Variants in WDHD1 observed in about 807,000 individuals in gnomAD.
WDHD1 encodes WD repeat and HMG-box DNA binding protein 1, also known as WD repeat and HMG-box DNA-binding protein 1.
Under a neutral mutation model 135.4 loss-of-function variants are expected in WDHD1, and 111 were observed. The ratio of observed to expected loss-of-function variants is 0.82; its 90% CI spans 0.70 to 0.96. The LOEUF is 0.96. Among genes scored for constraint, WDHD1 ranks in the 40% least tolerant of loss-of-function variants. The pLI, the probability that WDHD1 is intolerant of heterozygous loss-of-function variation, is 0.00. For synonymous variants in WDHD1, 434 were observed against 439.0 expected (o/e 0.99, Z 0.14); for missense variants, 1,351 against 1,336.3 (o/e 1.01, Z -0.17).
At chr14:54,959,397 G>A (rs962436290) in intron 21 of WDHD1, among the ~76,000 whole-genome samples, 1 of 146,008 alleles carries the variant, frequency 6.8e-6, no homozygotes, top group African/African-American at 2.5e-5. Context: ...CCCTGGCGGG[G>A]GGAAGAGGAG....
At chr14:55,008,858 T>A (rs1040758128) in intron 4 of WDHD1, 139 bp from the exon 5 acceptor site, 8 of 612,654 alleles carry the variant, frequency 1.3e-5, no homozygotes, top group African/African-American at 3.8e-5. Flanking sequence ...TGGAGTGCAG[T>A]GGTGCGATCT....
At chr14:54,973,410 T>A (rs1383709593) in intron 16 of WDHD1, among the ~76,000 whole-genome samples, 1 of 152,170 alleles carries the variant, frequency 6.6e-6, no homozygotes, top group Non-Finnish European at 1.5e-5. Flanking sequence ...TCAAATACCC[T>A]CCCTTCTTTT....
At chr14:54,992,376 GCTA>G in intron 11 of WDHD1, among the ~76,000 whole-genome samples, 1 of 152,224 alleles carries the variant, frequency 6.6e-6, no homozygotes, top group Middle Eastern at 3.4e-3. Flanking sequence ...TATAATCCCA[GCTA>G]CTCAGGAGGC....
At chr14:54,950,149 A>G (rs2041017615) in intron 24 of WDHD1, among the ~76,000 whole-genome samples, 1 of 152,220 alleles carries the variant, frequency 6.6e-6, no homozygotes, top group East Asian at 1.9e-4. Flanking sequence ...AACAATATTA[A>G]CCTTAAATGT....
rs1487297379 is a variant in WDHD1 at position 54,989,017 on chromosome 14, C to T, written c.1526+11G>A. ...ACAGTGCCAAATTCTTCCTAATAAT[C>T]TTGAGTTTACCTTGCTAGTTCATCA... On this transcript the variant is annotated intron_variant, in intron 13 of 25. Transcript: ENST00000360586. The T allele has an allele frequency of 1.2e-6, 2 of 1,601,040 alleles. No individual in the cohort carries two copies. Among genetic ancestry groups the T allele is most frequent in the Non-Finnish European group, 1.7e-6 (2 of 1,172,074 alleles).
At chr14:54,981,895 T>C (rs1449947179) in intron 15 of WDHD1, among the ~76,000 whole-genome samples, 199 bp from the exon 16 acceptor site, 1 of 152,036 alleles carries the variant, frequency 6.6e-6, no homozygotes, top group African/African-American at 2.4e-5. Flanking sequence ...AGAAAAAACA[T>C]TGGATTTGAT....
Position 54,940,802 on chromosome 14 carries a change from GT to G in WDHD1, c.*687del, listed in dbSNP as rs2040826144. On this transcript the variant is annotated 3_prime_UTR_variant, in exon 26 of 26. Transcript: ENST00000360586. ...TATAATGCAGAGCAAAATGGGGGTGGTGGTAGAAATTATGGTAGTAAATATA... is the reference window on the plus strand; with the variant it reads ...TATAATGCAGAGCAAAATGGGGGTGGGGTAGAAATTATGGTAGTAAATATA... 6.6e-6 allele frequency: 1 copy of G among 151,946 alleles called. No homozygotes were observed. Among genetic ancestry groups the G allele is most frequent in the East Asian group, 1.9e-4 (1 of 5,192 alleles). The allele number at this position is 151,946 out of a possible 1,614,324, so 9.4% of individuals were successfully genotyped here.
At chr14:54,969,164 A>G (rs925471638) in intron 16 of WDHD1, among the ~76,000 whole-genome samples, 1 of 152,020 alleles carries the variant, frequency 6.6e-6, no homozygotes, top group Non-Finnish European at 1.5e-5. Context: ...TCAGCCTCCC[A>G]AGTAGCTGAG....
intron 11 of WDHD1, among the ~76,000 whole-genome samples, chr14:54,992,937 AAAC>A (rs1381423564): frequency 6.6e-6 from 1 of 152,164 alleles, no homozygotes; most frequent in East Asian, 1.9e-4. Flanking sequence ...AATTAATTAA[AAAC>A]AACATATAAT....
intron 21 of WDHD1, among the ~76,000 whole-genome samples, chr14:54,962,114 C>T (rs3783645): frequency 0.31 from 47,239 of 152,034 alleles, 7,486 homozygotes; most frequent in African/African-American, 0.37. Flanking sequence ...GGATTACAGG[C>T]GTGAGCCACT....
chr14:54,968,028 C>T (rs971230128), intron 16 of WDHD1, among the ~76,000 whole-genome samples: 1 of 152,132 alleles, frequency 6.6e-6, no homozygotes, highest in African/African-American at 2.4e-5. Context: ...ACCATTAATA[C>T]CTGTCATGGA....
intron 21 of WDHD1, among the ~76,000 whole-genome samples, chr14:54,962,263 G>A (rs1008817418): frequency 2.0e-5 from 3 of 152,172 alleles, no homozygotes; most frequent in Non-Finnish European, 2.9e-5. Context: ...ACACATGTCT[G>A]TTTGACTTCT....
At chr14:54,994,900 C>T (rs1160254975) in intron 11 of WDHD1, among the ~76,000 whole-genome samples, 1 of 152,134 alleles carries the variant, frequency 6.6e-6, no homozygotes, top group Non-Finnish European at 1.5e-5. Context: ...AGTGATGGCC[C>T]ACCTCTCTTT....
chr14:54,952,095 C>G (rs1222997113), intron 24 of WDHD1, among the ~76,000 whole-genome samples: 3 of 152,072 alleles, frequency 2.0e-5, no homozygotes, highest in Admixed American at 2.0e-4. Context: ...ACAGGGATGC[C>G]CTCTCTCACC....
chr14:54,966,272 T>A (rs1196224623), intron 18 of WDHD1, among the ~76,000 whole-genome samples: 1 of 151,024 alleles, frequency 6.6e-6, no homozygotes, highest in Non-Finnish European at 1.5e-5. Flanking sequence ...GAGGCAGAGG[T>A]TGCAGTGAGC....
chr14:55,013,612 A>G lies in WDHD1; in HGVS notation c.78-16T>C. On this transcript the variant is annotated splice_polypyrimidine_tract_variant and intron_variant, in intron 2 of 25. Transcript: ENST00000360586. ...CACAATAAAACTGTGAAGAAAAGAC[A>G]CAAATTAAAGTCATCGGGCATGGTG... 1 of 1,601,898 alleles carries G rather than the reference A, an allele frequency of 6.2e-7. No homozygotes were observed. The highest frequency in any genetic ancestry group is 8.6e-7 in the Non-Finnish European group (1 of 1,168,938).
At chr14:54,992,552 T>G (rs1387367407) in intron 11 of WDHD1, among the ~76,000 whole-genome samples, 1 of 152,182 alleles carries the variant, frequency 6.6e-6, no homozygotes, top group African/African-American at 2.4e-5. Context: ...AAGCTTCTAT[T>G]TGCCATTATG....
chr14:54,966,763 A>G (rs937222165), intron 17 of WDHD1, among the ~76,000 whole-genome samples, 157 bp from the exon 18 acceptor site: 3 of 152,210 alleles, frequency 2.0e-5, no homozygotes, highest in African/African-American at 7.2e-5. Context: ...GTGTGATACT[A>G]CAGCTTAACT....
intron 24 of WDHD1, among the ~76,000 whole-genome samples, chr14:54,945,375 A>C (rs1406344358): frequency 1.3e-5 from 2 of 152,236 alleles, no homozygotes; most frequent in Non-Finnish European, 1.5e-5. Flanking sequence ...AGCTTTATGT[A>C]TAGTACCTCA....
Sources: gnomAD v4.1 joint callset for allele counts (sites outside exome capture counted in the v4.1 genomes callset) on GRCh38, gnomAD v4.1.1 for gene constraint, MANE v1.5 for transcripts, NCBI Gene and HGNC (gene_info 2026-07-23, HGNC 2026-07-21) for gene names.